RYR3: variants seen among roughly 807,000 people sequenced by gnomAD.
The protein encoded by RYR3 is brain ryanodine receptor-calcium release channel.
A neutral mutation model predicts 584.3 loss-of-function variants in RYR3; 207 were observed. That is an observed-to-expected ratio of 0.35 (90% CI 0.32 to 0.40). The LOEUF is 0.40. RYR3 is among the 10% of genes least tolerant of loss of function. The pLI is 1.00. For synonymous variants in RYR3, 2,416 were observed against 2,248.5 expected (o/e 1.07, Z -2.11); for missense variants, 5,616 against 6,089.2 (o/e 0.92, Z 2.59).
In RYR3 at chr15:33,465,782, C is replaced by CAT. The variant is rs752932100; in HGVS notation, c.52-7632_52-7631dup. ...AAGAGGATGCAAGATGGTACAATCA[C>CAT]ATATATTTAGAAAGTAGAATGAGAA... On this transcript the variant is annotated intron_variant, in intron 1 of 103. Transcript: ENST00000634891. 1.5e-3 allele frequency: 761 copies of CAT among 518,784 alleles called. 3 individuals carry two copies. The highest frequency in any genetic ancestry group is 1.7e-3 in the Non-Finnish European group (449 of 259,770). 32.1% of individuals were successfully genotyped at this position (518,784 alleles called of 1,614,324 possible).
At chr15:33,517,915 T>A (rs1212305959) in intron 3 of RYR3, among the ~76,000 whole-genome samples, 2 of 152,184 alleles carry the variant, frequency 1.3e-5, no homozygotes, top group African/African-American at 4.8e-5. Flanking sequence ...GAGACTTTAT[T>A]ATTTTTATGA....
chr15:33,766,144 G>A (rs371318890), intron 60 of RYR3, among the ~76,000 whole-genome samples: 214 of 151,918 alleles, frequency 1.4e-3, no homozygotes, highest in Middle Eastern at 6.8e-3. Flanking sequence ...ATAGCTGGGC[G>A]TGGTGGCACG....
At chr15:33,799,028 T>G (rs898849673) in intron 67 of RYR3, among the ~76,000 whole-genome samples, 1 of 151,998 alleles carries the variant, frequency 6.6e-6, no homozygotes, top group Non-Finnish European at 1.5e-5. Context: ...GCATCAGGTT[T>G]TTTAGACCAT....
intron 69 of RYR3, among the ~76,000 whole-genome samples, chr15:33,805,973 C>G (rs916063949): frequency 6.6e-6 from 1 of 151,638 alleles, no homozygotes; most frequent in Admixed American, 6.6e-5. Flanking sequence ...CTGCCTCTGT[C>G]CACCATTTCT....
intron 38 of RYR3, among the ~76,000 whole-genome samples, chr15:33,670,892 C>T (rs74005945): frequency 0.092 from 14,061 of 152,044 alleles, 862 homozygotes; most frequent in African/African-American, 0.18. Flanking sequence ...TGTTTCTTAA[C>T]GATTATTGTT....
At chr15:33,810,392 C>A in intron 70 of RYR3, 87 bp from the exon 71 acceptor site, 1 of 1,400,452 alleles carries the variant, frequency 7.1e-7, no homozygotes, top group Non-Finnish European at 9.9e-7. Context: ...GACAGGGCCA[C>A]AAGGAGGCAG....
At chr15:33,478,499 A>G (rs987169806) in intron 2 of RYR3, among the ~76,000 whole-genome samples, 9 of 152,206 alleles carry the variant, frequency 5.9e-5, no homozygotes, top group African/African-American at 2.2e-4. Context: ...ATACGTATTG[A>G]TAGTCTTCCC....
chr15:33,695,579 G>A (rs1023190910), intron 38 of RYR3, among the ~76,000 whole-genome samples: 4 of 152,076 alleles, frequency 2.6e-5, no homozygotes, highest in Non-Finnish European at 4.4e-5. Flanking sequence ...TCAGACTTTA[G>A]GATGATGCTC....
At chr15:33,512,541 G>A (rs2053124788) in intron 3 of RYR3, among the ~76,000 whole-genome samples, 1 of 152,182 alleles carries the variant, frequency 6.6e-6, no homozygotes, top group African/African-American at 2.4e-5. Flanking sequence ...TGAAATGGGC[G>A]TGTTGTGAAG....
chr15:33,455,467 T>C (rs2047472751), intron 1 of RYR3, among the ~76,000 whole-genome samples: 1 of 152,036 alleles, frequency 6.6e-6, no homozygotes, highest in Non-Finnish European at 1.5e-5. Context: ...AGAGGCTGAA[T>C]GAGAGGATGG....
intron 1 of RYR3, among the ~76,000 whole-genome samples, chr15:33,368,727 C>A (rs28610112): frequency 0.025 from 3,835 of 152,148 alleles, 171 homozygotes; most frequent in African/African-American, 0.088. Context: ...AACCTCCTCG[C>A]CTGCAGTCTT....
rs373312009 is a variant in RYR3, at chr15:33,662,327, C to A, written c.4797C>A (p.Pro1599=). 1.9e-6 allele frequency: 3 copies of A among 1,611,932 alleles called. No individual in the cohort carries two copies. The highest frequency in any genetic ancestry group is 1.1e-5 in the South Asian group (1 of 90,422). Residue 1599 remains proline (P), a synonymous_variant, in exon 35 of 104, where the codon CCC becomes CCA. Transcript: ENST00000634891. ...LFYAIDNKYL[P]GLLRSGFYDL... is the part of the protein sequence containing the mutation. ...ATGCCATTGACAACAAGTACCTCCCCGGCCTCCTTCGATCTGGTTTCTATG... is the reference window on the plus strand; with the variant it reads ...ATGCCATTGACAACAAGTACCTCCCAGGCCTCCTTCGATCTGGTTTCTATG...
At chr15:33,714,531 G>T (rs961820471) in intron 43 of RYR3, among the ~76,000 whole-genome samples, 2 of 152,186 alleles carry the variant, frequency 1.3e-5, no homozygotes, top group Non-Finnish European at 2.9e-5. Context: ...GCTAAGCACA[G>T]ATGTGTTTGG....
chr15:33,682,752 G>A (rs1241247694), intron 38 of RYR3, among the ~76,000 whole-genome samples: 3 of 152,142 alleles, frequency 2.0e-5, no homozygotes, highest in Non-Finnish European at 4.4e-5. Context: ...ACCATCGAGT[G>A]CACTTGGCAA....
At chr15:33,641,386 A>G (rs2061815504) in intron 27 of RYR3, among the ~76,000 whole-genome samples, 1 of 152,248 alleles carries the variant, frequency 6.6e-6, no homozygotes, top group Middle Eastern at 3.2e-3. Context: ...CCTGACATTT[A>G]CAAGGTATTT....
chr15:33,627,509 T>C (rs2061053950), intron 20 of RYR3, among the ~76,000 whole-genome samples: 2 of 152,060 alleles, frequency 1.3e-5, no homozygotes, highest in East Asian at 1.9e-4. Flanking sequence ...GTGTGTGTGA[T>C]GTATATGGTG....
chr15:33,380,594 T>C (rs981519865), intron 1 of RYR3, among the ~76,000 whole-genome samples: 9 of 152,202 alleles, frequency 5.9e-5, no homozygotes. Flanking sequence ...TTAGTATCAA[T>C]GCCAAGGGAG....
intron 67 of RYR3, among the ~76,000 whole-genome samples, chr15:33,794,347 A>ACATCTAT (rs1453088029): frequency 1.3e-5 from 1 of 74,534 alleles, no homozygotes; most frequent in African/African-American, 3.9e-5. Context: ...ATATATATAA[A>ACATCTAT]AATATATATA....
chr15:33,561,537 G>C (rs1369510078), intron 10 of RYR3, among the ~76,000 whole-genome samples: 5 of 152,212 alleles, frequency 3.3e-5, no homozygotes, highest in Non-Finnish European at 7.3e-5. Context: ...ACTATGGAGA[G>C]TTAATCCACG....
Sources: allele counts gnomAD v4.1 joint callset (sites outside exome capture counted in the v4.1 genomes callset), GRCh38; gene constraint gnomAD v4.1.1; transcripts MANE v1.5; gene names NCBI Gene and HGNC (gene_info 2026-07-23, HGNC 2026-07-21).